ZDHHC11: variants seen among roughly 807,000 people sequenced by gnomAD.
ZDHHC11 encodes the protein palmitoyltransferase ZDHHC11.
A neutral mutation model predicts 51.3 loss-of-function variants in ZDHHC11; 44 were observed. The observed-to-expected ratio is 0.86, with a 90% confidence interval of 0.67 to 1.10. The LOEUF is 1.10. Ranked by LOEUF, ZDHHC11 falls within the 50% of genes least tolerant of loss-of-function variation. ZDHHC11 has a pLI of 0.00. For missense variants in ZDHHC11, 400 were observed against 537.7 expected (o/e 0.74, Z 2.53); for synonymous variants, 163 against 222.0 (o/e 0.73, Z 2.36).
chr5:816,076 C>T lies in ZDHHC11; in HGVS notation c.1147-1281G>A, dbSNP rs1168490309. Among the ~76,000 whole-genome samples, 10 of 151,520 alleles carry T rather than the reference C, an allele frequency of 6.6e-5. 1 individual carries two copies. The highest frequency in any genetic ancestry group is 1.2e-4 in the Non-Finnish European group (8 of 67,736). ...AAGTTTTGTGTTCAAATCTTTTGCC[C>T]ATTTGAAAACAGAGTTTTCTTATTG... On this transcript the variant is annotated intron_variant, in intron 10 of 12. Transcript: ENST00000283441.
At chr5:815,952 C>T (rs1740728150) in intron 10 of ZDHHC11, among the ~76,000 whole-genome samples, 3 of 151,324 alleles carry the variant, frequency 2.0e-5, no homozygotes, top group Non-Finnish European at 4.4e-5. Context: ...AACATGGGTG[C>T]CATGCTATCT....
chr5:809,014 C>CAGACACACACAT (rs1554050773), intron 11 of ZDHHC11, among the ~76,000 whole-genome samples: 12 of 139,080 alleles, frequency 8.6e-5, no homozygotes, highest in Admixed American at 5.8e-4. Flanking sequence ...CACACACACA[C>CAGACACACACAT]GCACACTATT....
chr5:806,326 G>A (rs962114467), intron 11 of ZDHHC11, among the ~76,000 whole-genome samples: 3 of 151,016 alleles, frequency 2.0e-5, no homozygotes, highest in African/African-American at 7.3e-5. Flanking sequence ...AATGGAGCTG[G>A]AAACAATACA....
At chr5:856,757 C>G (rs941044784) in intron 1 of ZDHHC11, among the ~76,000 whole-genome samples, 3 of 151,482 alleles carry the variant, frequency 2.0e-5, no homozygotes, top group Non-Finnish European at 4.4e-5. Context: ...ATCACGCACA[C>G]AGAATACACA....
chr5:845,825 G>C (rs325139), intron 3 of ZDHHC11, among the ~76,000 whole-genome samples: 2 of 148,788 alleles, frequency 1.3e-5, no homozygotes, highest in South Asian at 4.2e-4. Flanking sequence ...CCATGACCCC[G>C]GCCCTGCTCT....
In ZDHHC11 at chr5:850,886, C is replaced by T. The variant is rs781738824; in HGVS notation, c.-284G>A. The T allele has an allele frequency of 1.1e-5, 6 of 550,802 alleles. No individual in the cohort carries two copies. Among genetic ancestry groups the T allele is most frequent in the Non-Finnish European group, 1.9e-5 (6 of 309,750 alleles). 34.1% of individuals were successfully genotyped at this position (550,802 alleles called of 1,614,324 possible). On this transcript the variant is annotated 5_prime_UTR_variant, in exon 1 of 13. Transcript: ENST00000283441. Reference sequence around the variant, plus strand: ...ACGGCTCTCCAGGGTGTGGAGGACCCAGTGCCCGCGCGACCGCCCATCAGT... The same window carrying T: ...ACGGCTCTCCAGGGTGTGGAGGACCTAGTGCCCGCGCGACCGCCCATCAGT...
chr5:801,230 A>C, intron 11 of ZDHHC11, 66 bp from the exon 12 acceptor site: 1 of 1,589,334 alleles, frequency 6.3e-7, no homozygotes. Flanking sequence ...TATAATGCCA[A>C]AGTGCACAAA....
At chr5:816,103 T>C (rs1740749553) in intron 10 of ZDHHC11, among the ~76,000 whole-genome samples, 1 of 151,668 alleles carries the variant, frequency 6.6e-6, no homozygotes, top group South Asian at 2.1e-4. Flanking sequence ...TTCTTATTGC[T>C]GAGTTTTGAA....
chr5:844,300 T>A (rs1157940480), intron 3 of ZDHHC11, among the ~76,000 whole-genome samples: 1 of 152,290 alleles, frequency 6.6e-6, no homozygotes, highest in Non-Finnish European at 1.5e-5. Flanking sequence ...CTTGCAAACG[T>A]GATTGCCTTT....
chr5:809,125 AC>A (rs1274614629), intron 11 of ZDHHC11, among the ~76,000 whole-genome samples: 1 of 146,938 alleles, frequency 6.8e-6, no homozygotes, highest in Non-Finnish European at 1.5e-5. Flanking sequence ...TAAAAAACAA[AC>A]AAAACCTGAA....
chr5:842,949 G>C (rs112142829), intron 4 of ZDHHC11, among the ~76,000 whole-genome samples: 2,046 of 152,070 alleles, frequency 0.013, 51 homozygotes, highest in African/African-American at 0.047. Context: ...GGCTGGATTT[G>C]GGCCCCCTGG....
At chr5:808,203 CGCAGCCTCCCCCTCGCTGT>C (rs1314366822) in intron 11 of ZDHHC11, among the ~76,000 whole-genome samples, 1 of 150,810 alleles carries the variant, frequency 6.6e-6, no homozygotes, top group African/African-American at 2.5e-5. Context: ...GGTCAAGTTG[CGCAGCCTCCCCCTCGCTGT>C]GCAGCCTCTT....
intron 11 of ZDHHC11, 48 bp downstream of exon 11, chr5:814,713 G>C: frequency 1.3e-6 from 2 of 1,497,182 alleles, no homozygotes; most frequent in Non-Finnish European, 1.8e-6. Flanking sequence ...TTGAGTTCAG[G>C]CAAGTGTAGA....
Position 819,637 on chromosome 5 carries a change from A to G in ZDHHC11, c.1059-25T>C. ...TCTGGTGGGGCAAACAGAAGGAAAGAAACACACCACAGTTTTGTAGGGCGC... is the reference window on the plus strand; with the variant it reads ...TCTGGTGGGGCAAACAGAAGGAAAGGAACACACCACAGTTTTGTAGGGCGC... On this transcript the variant is annotated intron_variant, in intron 9 of 12. Transcript: ENST00000283441. 2 of 1,604,606 alleles carry G rather than the reference A, an allele frequency of 1.2e-6. 1 individual carries two copies. Among genetic ancestry groups the G allele is most frequent in the Non-Finnish European group, 1.7e-6 (2 of 1,172,182 alleles).
chr5:831,331 C>A (rs1304471165), intron 7 of ZDHHC11, among the ~76,000 whole-genome samples: 1 of 149,420 alleles, frequency 6.7e-6, no homozygotes, highest in Non-Finnish European at 1.5e-5. Context: ...TGTCTGTAAT[C>A]CCAGTCCTTT....
intron 11 of ZDHHC11, among the ~76,000 whole-genome samples, chr5:810,575 G>A (rs1739959813): frequency 6.6e-6 from 1 of 151,172 alleles, no homozygotes; most frequent in African/African-American, 2.4e-5. Flanking sequence ...CAAAGTCCCT[G>A]ATCGCTAGAA....
chr5:812,254 ATT>A (rs561816869), intron 11 of ZDHHC11, among the ~76,000 whole-genome samples: 1 of 151,268 alleles, frequency 6.6e-6, no homozygotes, highest in East Asian at 1.9e-4. Context: ...CTTCACAAAA[ATT>A]TATGAACTTC....
At chr5:820,454 T>C (rs958683985) in intron 9 of ZDHHC11, among the ~76,000 whole-genome samples, 2 of 151,574 alleles carry the variant, frequency 1.3e-5, no homozygotes, top group Admixed American at 6.6e-5. Context: ...AGAAGCCCTT[T>C]GCCCTCTGGC....
chr5:831,321 T>A (rs1278902698), intron 7 of ZDHHC11, among the ~76,000 whole-genome samples: 1 of 149,408 alleles, frequency 6.7e-6, no homozygotes, highest in Non-Finnish European at 1.5e-5. Context: ...TGGTGGCTCA[T>A]GTCTGTAATC....
Sources: allele counts gnomAD v4.1 joint callset (sites outside exome capture counted in the v4.1 genomes callset), GRCh38; gene constraint gnomAD v4.1.1; transcripts MANE v1.5; gene names NCBI Gene and HGNC (gene_info 2026-07-23, HGNC 2026-07-21).